PPHLN1: variants seen among roughly 807,000 people sequenced by gnomAD.
PPHLN1 encodes periphilin 1.
In PPHLN1, 29 loss-of-function variants were observed where a neutral mutation model predicts 51.3. That is an observed-to-expected ratio of 0.57 (90% confidence interval 0.42 to 0.77). The LOEUF is 0.77. Among genes scored for constraint, PPHLN1 ranks in the 30% least tolerant of loss-of-function variants. PPHLN1 has a pLI of 0.00. For synonymous variants in PPHLN1, 147 were observed against 147.8 expected, an observed-to-expected ratio of 0.99 and a Z score of 0.04; for missense variants, 436 against 438.4, an observed-to-expected ratio of 0.99 and a Z score of 0.05.
intron 4 of PPHLN1, among the ~76,000 whole-genome samples, chr12:42,363,818 G>A (rs1363164537): frequency 6.6e-6 from 1 of 152,028 alleles, no homozygotes; most frequent in African/African-American, 2.4e-5. Context: ...AATATATCAG[G>A]ATTTATTTCA....
intron 3 of PPHLN1, among the ~76,000 whole-genome samples, chr12:42,354,764 T>C (rs923959450): frequency 1.3e-5 from 2 of 152,190 alleles, no homozygotes; most frequent in South Asian, 4.1e-4. Flanking sequence ...AATGGGAAAG[T>C]AGCAAGTTTT....
chr12:42,418,210 T>TC (rs1291318082), intron 9 of PPHLN1, among the ~76,000 whole-genome samples: 1 of 72,888 alleles, frequency 1.4e-5, no homozygotes, highest in East Asian at 4.7e-4. Context: ...CTCCCGGCCC[T>TC]CTTTTTTTTT....
chr12:42,330,947 G>T (rs2069635157), intron 1 of PPHLN1, among the ~76,000 whole-genome samples: 1 of 152,226 alleles, frequency 6.6e-6, no homozygotes, highest in Non-Finnish European at 1.5e-5. Context: ...CTGACCTTGT[G>T]ATCCGCGCGC....
At chr12:42,363,941 C>A (rs117307938) in intron 4 of PPHLN1, among the ~76,000 whole-genome samples, 2 of 151,990 alleles carry the variant, frequency 1.3e-5, no homozygotes, top group African/African-American at 2.4e-5. Flanking sequence ...TAAACCTTAG[C>A]GGTCGGGCTC....
At chr12:42,330,972 G>A (rs1246382994) in intron 1 of PPHLN1, among the ~76,000 whole-genome samples, 1 of 152,222 alleles carries the variant, frequency 6.6e-6, no homozygotes, top group Non-Finnish European at 1.5e-5. Flanking sequence ...GCCTCCCAAA[G>A]TGCTGGGATT....
chr12:42,382,194 C>G (rs745780824), intron 5 of PPHLN1, among the ~76,000 whole-genome samples: 1 of 152,194 alleles, frequency 6.6e-6, no homozygotes, highest in African/African-American at 2.4e-5. Flanking sequence ...TCACCAAATA[C>G]TTTGAAACTC....
chr12:42,405,211 A>G (rs10400510), intron 9 of PPHLN1, among the ~76,000 whole-genome samples: 5 of 152,268 alleles, frequency 3.3e-5, no homozygotes, highest in East Asian at 3.9e-4. Context: ...TTCCTAAAGC[A>G]TAAGTTGTTC....
At position 42,441,359 on chromosome 12, in the gene PPHLN1, G is replaced by C; in HGVS notation, c.954G>C (p.Met318Ile). 1.2e-6 allele frequency: 2 copies of C among 1,613,558 alleles called. No homozygotes were observed. The highest frequency in any genetic ancestry group is 3.3e-5 in the Admixed American group (2 of 59,976). Residue 318 changes from methionine (M) to isoleucine (I), a missense_variant, in exon 10 of 10, where the codon ATG (methionine) becomes ATC (isoleucine). Met to Ile is a conservative substitution (Grantham distance 10, BLOSUM62 1). Coordinates refer to ENST00000358314, the MANE Select transcript of PPHLN1 (RefSeq NM_201439.2). Reference sequence around the variant, plus strand: ...AAACTTTCGGGATGGTGGTGAAAATGCTGATTGAAAAAGATCCTTCATTAG... The same window carrying C: ...AAACTTTCGGGATGGTGGTGAAAATCCTGATTGAAAAAGATCCTTCATTAG... ...DCETFGMVVK[M>I]LIEKDPSLEK...
Position 42,425,594 on chromosome 12 carries a change from G to A in PPHLN1, c.910-15721G>A, listed in dbSNP as rs2081386617. On this transcript the variant is annotated intron_variant, in intron 9 of 9. Transcript: ENST00000358314. ...AGTAGAGATGAGGTTTCACCATGTT[G>A]GCCAGGCTGGTCTCGAACTCCTGAC... 2.0e-5 allele frequency among the ~76,000 whole-genome samples: 3 copies of A among 150,358 alleles called. No homozygotes were observed. The South Asian group carries it at 6.3e-4, about 32-fold the overall frequency.
chr12:42,442,635 G>C, downstream of PPHLN1: 1 of 1,613,672 alleles, frequency 6.2e-7, no homozygotes, highest in South Asian at 1.1e-5. Flanking sequence ...CCGGTCGCTC[G>C]GCCAGAGTCT....
chr12:42,446,413 T>G (rs1212520078), downstream of PPHLN1: 1 of 1,397,218 alleles, frequency 7.2e-7, no homozygotes, highest in Non-Finnish European at 9.6e-7. Flanking sequence ...GCAGTGTGAC[T>G]TTTTAGCTAG....
chr12:42,441,227 C>T lies in PPHLN1; in HGVS notation c.910-88C>T, dbSNP rs1180719078. 3.5e-6 allele frequency: 5 copies of T among 1,441,774 alleles called. No individual in the cohort carries two copies. The African/African-American group carries it at 4.3e-5, about 12-fold the overall frequency. The allele number at this position is 1,441,774 out of a possible 1,614,324, so 89.3% of individuals were successfully genotyped here. A position where few individuals can be genotyped will look rare whatever the true frequency, so the allele number is the denominator to read the frequency against. Reference sequence around the variant, plus strand: ...TTTTTTGTGTCTCTCTTTTAGATGTCAGCATCATAATTCTGCCAACTCAGT... The same window carrying T: ...TTTTTTGTGTCTCTCTTTTAGATGTTAGCATCATAATTCTGCCAACTCAGT... On this transcript the variant is annotated intron_variant, in intron 9 of 9. Transcript: ENST00000358314.
rs189125400 is a variant in PPHLN1 at position 42,432,005 on chromosome 12, G to A, written c.910-9310G>A. 1.5e-4 allele frequency: 227 copies of A among 1,487,970 alleles called. No homozygotes were observed. The East Asian group carries it at 4.0e-3, about 26-fold the overall frequency. 92.2% of individuals were successfully genotyped at this position (1,487,970 alleles called of 1,614,324 possible). A position where few individuals can be genotyped will look rare whatever the true frequency, so the allele number is the denominator to read the frequency against. On this transcript the variant is annotated intron_variant, in intron 9 of 9. Transcript: ENST00000358314. Reference sequence around the variant, plus strand: ...TGATCTGATTCTGATTATCAAGTACGCTGTATGGATTGCTGTCTGGATCTT... The same window carrying A: ...TGATCTGATTCTGATTATCAAGTACACTGTATGGATTGCTGTCTGGATCTT...
intron 9 of PPHLN1, among the ~76,000 whole-genome samples, chr12:42,407,835 A>G (rs1420599384): frequency 6.6e-6 from 1 of 152,196 alleles, no homozygotes; most frequent in Non-Finnish European, 1.5e-5. Context: ...GAATAATGAA[A>G]AGGAAAAAAT....
intron 9 of PPHLN1, among the ~76,000 whole-genome samples, chr12:42,426,190 A>T (rs2081450362): frequency 1.3e-5 from 1 of 79,128 alleles, no homozygotes; most frequent in Non-Finnish European, 3.5e-5. Context: ...ACACACACAC[A>T]CACACACACA....
intron 1 of PPHLN1, among the ~76,000 whole-genome samples, chr12:42,328,407 G>A (rs1015835521): frequency 2.0e-5 from 3 of 152,142 alleles, no homozygotes; most frequent in East Asian, 1.9e-4. Context: ...ATGAATATGC[G>A]TTAACAGTTG....
intron 3 of PPHLN1, among the ~76,000 whole-genome samples, chr12:42,352,695 A>G (rs889451054): frequency 2.6e-5 from 4 of 152,002 alleles, no homozygotes; most frequent in Admixed American, 1.3e-4. Flanking sequence ...GGCCTCCCAA[A>G]GTGTTAGGAT....
chr12:42,393,872 T>G (rs2077959701), intron 8 of PPHLN1, among the ~76,000 whole-genome samples, 183 bp downstream of exon 8: 1 of 152,136 alleles, frequency 6.6e-6, no homozygotes, highest in Non-Finnish European at 1.5e-5. Context: ...GTAATCACGC[T>G]TTGTCTGAAT....
intron 9 of PPHLN1, among the ~76,000 whole-genome samples, chr12:42,429,425 A>C (rs1566018128): frequency 6.6e-6 from 1 of 152,176 alleles, no homozygotes; most frequent in Non-Finnish European, 1.5e-5. Flanking sequence ...TATCTTTCCC[A>C]AAACTTCCCT....
Sources: allele counts gnomAD v4.1 joint callset (sites outside exome capture counted in the v4.1 genomes callset), GRCh38; gene constraint gnomAD v4.1.1; transcripts MANE v1.5; gene names NCBI Gene and HGNC (gene_info 2026-07-23, HGNC 2026-07-21).